The following TRAM2 variants were observed in gnomAD, a reference collection of about 807,000 sequenced individuals.
The protein encoded by TRAM2 is translocation associated membrane protein 2, also known as translocating chain-associated membrane protein 2.
Under a neutral mutation model 51.0 loss-of-function variants are expected in TRAM2, and 12 were observed. That is an observed-to-expected ratio of 0.24 (90% CI 0.15 to 0.38). TRAM2 has a LOEUF of 0.38. Ranked by LOEUF, TRAM2 falls within the 10% of genes least tolerant of loss-of-function variation. TRAM2 has a pLI of 1.00. For synonymous variants in TRAM2, 175 were observed against 179.4 expected, an observed-to-expected ratio of 0.98 and a Z score of 0.20; for missense variants, 361 against 462.0, an observed-to-expected ratio of 0.78 and a Z score of 2.00.
chr6:52,519,334 C>T (rs573710536), intron 2 of TRAM2, among the ~76,000 whole-genome samples: 14 of 152,236 alleles, frequency 9.2e-5, no homozygotes, highest in Middle Eastern at 3.4e-3. Context: ...AGACATTTCT[C>T]CAAAGAAGAA....
rs187340445 is a variant in TRAM2 at position 52,538,486 on chromosome 6, C to T, written c.121-2640G>A. ...CCTGCCCTGGGCTCTGGGTCTTGGG[C>T]GGGTATGAGGAGGTGCTGCTGGCCC... On this transcript the variant is annotated intron_variant, in intron 1 of 10. Coordinates refer to ENST00000182527, the MANE Select transcript of TRAM2 (RefSeq NM_012288.4). Among the ~76,000 whole-genome samples, 244 of 152,244 alleles carry T rather than the reference C, an allele frequency of 1.6e-3. 1 individual carries two copies. Among genetic ancestry groups the T allele is most frequent in the African/African-American group, 5.5e-3 (227 of 41,548 alleles).
At chr6:52,505,925 G>A in intron 8 of TRAM2, 107 bp downstream of exon 8, 1 of 1,411,774 alleles carries the variant, frequency 7.1e-7, no homozygotes, top group Non-Finnish European at 9.8e-7. Flanking sequence ...ACCACCTGCA[G>A]GTAAGCGGGC....
intron 1 of TRAM2, among the ~76,000 whole-genome samples, chr6:52,563,514 T>C (rs113506711): frequency 0.2 from 30,581 of 151,348 alleles, 4,025 homozygotes; most frequent in Non-Finnish European, 0.29. Context: ...GGTCAGGAGA[T>C]CGAGACCATC....
At position 52,500,534 on chromosome 6, in the gene TRAM2, T is replaced by TTTG. The variant is rs1554263069; in HGVS notation, c.*2662_*2663insCAA. 4.1e-5 allele frequency: 6 copies of TTTG among 147,802 alleles called. No individual in the cohort carries two copies. The highest frequency in any genetic ancestry group is 1.5e-4 in the African/African-American group (6 of 40,698). 9.2% of individuals were successfully genotyped at this position (147,802 alleles called of 1,614,324 possible). The stretch of plus-strand genomic sequence containing the variant: ...GGTCTCAGGGTTTTTTTTTGTTTTT[T>TTTG]TTTTTTTTTTTACATAAAATAAACC... On this transcript the variant is annotated 3_prime_UTR_variant, in exon 11 of 11. Coordinates refer to ENST00000182527, the MANE Select transcript of TRAM2 (RefSeq NM_012288.4).
At chr6:52,540,708 A>C (rs1455973314) in intron 1 of TRAM2, among the ~76,000 whole-genome samples, 2 of 152,242 alleles carry the variant, frequency 1.3e-5, no homozygotes, top group Non-Finnish European at 2.9e-5. Flanking sequence ...CACAGGGCTG[A>C]GAACCAGGAG....
intron 1 of TRAM2, among the ~76,000 whole-genome samples, chr6:52,576,541 A>T (rs1767768971): frequency 6.6e-6 from 1 of 152,206 alleles, no homozygotes; most frequent in Admixed American, 6.5e-5. Flanking sequence ...CTGCAGACAG[A>T]GCTGCAGGAT....
chr6:52,516,745 G>A lies in TRAM2; in HGVS notation c.185-8C>T. 1.9e-6 allele frequency: 3 copies of A among 1,604,308 alleles called. No individual in the cohort carries two copies. The highest frequency in any genetic ancestry group is 2.2e-5 in the South Asian group (2 of 90,872). On this transcript the variant is annotated splice_polypyrimidine_tract_variant and splice_region_variant and intron_variant, in intron 2 of 10. Transcript: ENST00000182527. ...AGTGCACGGTCTCACTGTCTGTGGA[G>A]GTAATAAAAGTCCCATCAGCATCCC...
Position 52,497,426 on chromosome 6 carries a change from T to C in TRAM2, c.*5771A>G, listed in dbSNP as rs939558415. 4 of 152,686 alleles carry C rather than the reference T, an allele frequency of 2.6e-5. No individual in the cohort carries two copies. Among genetic ancestry groups the C allele is most frequent in the African/African-American group, 9.6e-5 (4 of 41,462 alleles). 9.5% of individuals were successfully genotyped at this position (152,686 alleles called of 1,614,324 possible). ...ATTCTGATAATTTTCTGCCTTTTAT[T>C]GTTATTTCAGAAAATATTTGATCAT... On this transcript the variant is annotated 3_prime_UTR_variant, in exon 11 of 11. Transcript: ENST00000182527.
At chr6:52,557,588 G>GT (rs1562487844) in intron 1 of TRAM2, among the ~76,000 whole-genome samples, 3 of 152,106 alleles carry the variant, frequency 2.0e-5, no homozygotes, top group South Asian at 4.1e-4. Context: ...GCATAACACC[G>GT]TATTTATAAG....
chr6:52,570,640 T>C (rs915918509), intron 1 of TRAM2, among the ~76,000 whole-genome samples: 1 of 152,054 alleles, frequency 6.6e-6, no homozygotes, highest in South Asian at 2.1e-4. Flanking sequence ...ATTTCACAGA[T>C]GTAAAGTGCT....
chr6:52,540,897 C>A (rs1767066952), intron 1 of TRAM2, among the ~76,000 whole-genome samples: 1 of 152,072 alleles, frequency 6.6e-6, no homozygotes, highest in Non-Finnish European at 1.5e-5. Flanking sequence ...GGTCACATCA[C>A]ACACACACAT....
intron 1 of TRAM2, among the ~76,000 whole-genome samples, chr6:52,537,270 CG>C (rs1390388146): frequency 6.6e-6 from 1 of 152,194 alleles, no homozygotes; most frequent in Non-Finnish European, 1.5e-5. Context: ...AAGCCCTATC[CG>C]AATATACAGG....
intron 4 of TRAM2, among the ~76,000 whole-genome samples, chr6:52,515,032 C>T (rs753892023): frequency 2.0e-5 from 3 of 152,174 alleles, no homozygotes; most frequent in Non-Finnish European, 4.4e-5. Flanking sequence ...CAAAAGGACA[C>T]GTTGACTCTG....
intron 1 of TRAM2, among the ~76,000 whole-genome samples, chr6:52,537,730 GT>G (rs11309717): frequency 0.91 from 138,323 of 152,122 alleles, 62,956 homozygotes; most frequent in East Asian, 0.96. Flanking sequence ...GTGCCGTCCC[GT>G]TCCCATTTAT....
chr6:52,537,997 C>G (rs1365939049), intron 1 of TRAM2, among the ~76,000 whole-genome samples: 1 of 152,198 alleles, frequency 6.6e-6, no homozygotes, highest in Non-Finnish European at 1.5e-5. Context: ...CCCACGCTAG[C>G]CATGTTGGCT....
chr6:52,523,202 T>A (rs1217523499), intron 2 of TRAM2: 3 of 344,268 alleles, frequency 8.7e-6, no homozygotes, highest in Non-Finnish European at 1.6e-5. Flanking sequence ...TTATTTTGAA[T>A]TTTTTACACT....
At chr6:52,544,330 ATC>A (rs67063705) in intron 1 of TRAM2, among the ~76,000 whole-genome samples, 14,934 of 152,074 alleles carry the variant, frequency 0.098, 1,202 homozygotes, top group Admixed American at 0.26. Flanking sequence ...TAGATGTGTG[ATC>A]TCTGTGTCCT....
At chr6:52,512,241 G>A (rs1048820159) in intron 4 of TRAM2, among the ~76,000 whole-genome samples, 1 of 152,158 alleles carries the variant, frequency 6.6e-6, no homozygotes, top group Admixed American at 6.5e-5. Flanking sequence ...AGAAAATCTC[G>A]TGATTTTAAA....
chr6:52,559,968 C>T (rs1328678179), intron 1 of TRAM2, among the ~76,000 whole-genome samples: 2 of 152,056 alleles, frequency 1.3e-5, no homozygotes, highest in Non-Finnish European at 2.9e-5. Context: ...AGGCCGGGTG[C>T]GGTGGCTCAT....
Sources: gnomAD v4.1 joint callset for allele counts (sites outside exome capture counted in the v4.1 genomes callset) on GRCh38, gnomAD v4.1.1 for gene constraint, MANE v1.5 for transcripts, NCBI Gene and HGNC (gene_info 2026-07-23, HGNC 2026-07-21) for gene names.